The following ZNF385D variants were observed in gnomAD, a reference collection of about 807,000 sequenced individuals.
ZNF385D encodes the protein zinc finger protein 385D.
Under a neutral mutation model 35.8 loss-of-function variants are expected in ZNF385D, and 15 were observed. The observed-to-expected ratio is 0.42, with a 90% CI of 0.28 to 0.64. ZNF385D has a LOEUF of 0.64. Among genes scored for constraint, ZNF385D ranks in the 30% least tolerant of loss-of-function variants. The probability of loss-of-function intolerance (pLI) is 0.23; values close to 1 mark genes in which losing one functional copy is unlikely to be tolerated. For synonymous variants in ZNF385D, 212 were observed against 186.8 expected (o/e 1.13, Z -1.10); for missense variants, 474 against 494.6 (o/e 0.96, Z 0.39).
chr3:21,535,055 A>G (rs1363385480), intron 3 of ZNF385D, among the ~76,000 whole-genome samples: 1 of 152,136 alleles, frequency 6.6e-6, no homozygotes, highest in African/African-American at 2.4e-5. Flanking sequence ...ACAGGAATAT[A>G]ATATCTTCTT....
intron 2 of ZNF385D, among the ~76,000 whole-genome samples, chr3:22,256,801 T>C (rs969161528): frequency 6.6e-6 from 1 of 151,880 alleles, no homozygotes; most frequent in African/African-American, 2.4e-5. Context: ...CATTCTTCAA[T>C]GTGTTGTAAT....
chr3:22,024,921 T>C (rs1168171759), intron 3 of ZNF385D, among the ~76,000 whole-genome samples: 1 of 152,156 alleles, frequency 6.6e-6, no homozygotes, highest in East Asian at 1.9e-4. Context: ...TTTTATCTCC[T>C]GTAGAGAAAG....
intron 3 of ZNF385D, among the ~76,000 whole-genome samples, chr3:21,844,775 A>G (rs1360775387): frequency 6.6e-6 from 1 of 151,968 alleles, no homozygotes; most frequent in Admixed American, 6.6e-5. Context: ...TAGTATTTTC[A>G]TTTAGTTTTG....
chr3:22,000,856 G>C lies in ZNF385D; in HGVS notation c.325+167961C>G, dbSNP rs530033076. ...TCTTTCCCAGACAAGCAAAAACTGA[G>C]GGAATTCATTACAATTAGACCAGTC... On this transcript the variant is annotated intron_variant, in intron 3 of 5. Coordinates refer to the ZNF385D transcript ENST00000494108. 1.1e-4 allele frequency among the ~76,000 whole-genome samples: 17 copies of C among 150,338 alleles called. No homozygotes were observed. In the East Asian group the frequency reaches 2.7e-3, roughly 24 times the overall value.
chr3:21,436,656 C>T (rs1701565248), intron 5 of ZNF385D, among the ~76,000 whole-genome samples: 1 of 151,986 alleles, frequency 6.6e-6, no homozygotes, highest in South Asian at 2.1e-4. Context: ...GATGCAAATG[C>T]ATGTAAATAA....
At chr3:21,990,353 C>A (rs1343987300) in intron 3 of ZNF385D, among the ~76,000 whole-genome samples, 1 of 152,126 alleles carries the variant, frequency 6.6e-6, no homozygotes, top group Non-Finnish European at 1.5e-5. Flanking sequence ...CTTCACAAAT[C>A]CAAAGTTAGA....
At chr3:21,975,717 A>ATG (rs1703561890) in intron 3 of ZNF385D, among the ~76,000 whole-genome samples, 3 of 3,922 alleles carry the variant, frequency 7.6e-4, no homozygotes, top group African/African-American at 1.9e-3. Context: ...ATATATATAT[A>ATG]TATATATATA....
chr3:21,914,381 C>CTTTTTTTTTTT (rs5847151), intron 3 of ZNF385D, among the ~76,000 whole-genome samples: 1 of 138,732 alleles, frequency 7.2e-6, no homozygotes. Context: ...TTTTGTTTGA[C>CTTTTTTTTTTT]TTTTTTTTTT....
chr3:22,324,904 G>A (rs1328126077), intron 2 of ZNF385D, among the ~76,000 whole-genome samples: 1 of 152,090 alleles, frequency 6.6e-6, no homozygotes, highest in African/African-American at 2.4e-5. Flanking sequence ...CAAACTGTCT[G>A]GATTTCAATC....
intron 2 of ZNF385D, among the ~76,000 whole-genome samples, chr3:22,300,589 T>A (rs1702846888): frequency 6.6e-6 from 1 of 151,736 alleles, no homozygotes; most frequent in African/African-American, 2.4e-5. Flanking sequence ...AACAATTCAA[T>A]AGCAAGAAAA....
intron 2 of ZNF385D, among the ~76,000 whole-genome samples, chr3:22,192,233 G>C (rs1037120144): frequency 1.3e-5 from 2 of 152,128 alleles, no homozygotes; most frequent in African/African-American, 4.8e-5. Context: ...GCTGAGAGTT[G>C]CTTTCTTTTC....
intron 4 of ZNF385D, among the ~76,000 whole-genome samples, chr3:21,494,278 C>T (rs2125414545): frequency 6.6e-6 from 1 of 152,196 alleles, no homozygotes; most frequent in East Asian, 1.9e-4. Context: ...GTGAAAACCA[C>T]AATAAATATG....
In ZNF385D at chr3:21,463,894, GT is replaced by G. The variant is rs35256846; in HGVS notation, c.440-26692del. Among the ~76,000 whole-genome samples, 1,022 of 148,346 alleles carry G rather than the reference GT, an allele frequency of 6.9e-3. 8 individuals carry two copies. The highest frequency in any genetic ancestry group is 0.023 in the African/African-American group (934 of 40,560). On this transcript the variant is annotated intron_variant, in intron 4 of 7. Coordinates refer to ENST00000281523, the MANE Select transcript of ZNF385D (RefSeq NM_024697.3). ...CTCTTAGGAGAGCTGCTTAGCCTCA[GT>G]TTTTTTTTTTCATATGCAACAGGAA...
chr3:22,027,958 C>T (rs1697671209), intron 3 of ZNF385D, among the ~76,000 whole-genome samples: 1 of 152,182 alleles, frequency 6.6e-6, no homozygotes, highest in South Asian at 2.1e-4. Context: ...TAGGACATCC[C>T]TGAAGGATAG....
intron 3 of ZNF385D, among the ~76,000 whole-genome samples, chr3:21,862,922 T>C (rs970301318): frequency 2.6e-5 from 4 of 152,160 alleles, no homozygotes; most frequent in African/African-American, 9.6e-5. Flanking sequence ...GGCAGACTAA[T>C]GTCATCCTAC....
At chr3:21,697,254 T>C (rs2067503297) in intron 1 of ZNF385D, among the ~76,000 whole-genome samples, 2 of 152,130 alleles carry the variant, frequency 1.3e-5, no homozygotes, top group Non-Finnish European at 2.9e-5. Flanking sequence ...ATTCCACATA[T>C]TGCAGATACA....
intron 3 of ZNF385D, among the ~76,000 whole-genome samples, chr3:22,152,206 A>G (rs1559410923): frequency 1.3e-5 from 2 of 152,150 alleles, no homozygotes; most frequent in Admixed American, 6.5e-5. Flanking sequence ...ATGGCTGCAT[A>G]GTAATTTAAA....
chr3:22,075,658 CTTTTCTTTCTTGTA>C (rs1241622547), intron 3 of ZNF385D, among the ~76,000 whole-genome samples: 1 of 151,882 alleles, frequency 6.6e-6, no homozygotes, highest in African/African-American at 2.4e-5. Context: ...CTTGAGTTCT[CTTTTCTTTCTTGTA>C]CTTTCTTTCC....
At chr3:21,855,007 C>G (rs2125818136) in intron 3 of ZNF385D, among the ~76,000 whole-genome samples, 1 of 151,984 alleles carries the variant, frequency 6.6e-6, no homozygotes, top group East Asian at 1.9e-4. Context: ...GCACTCACAT[C>G]TATACAACAT....
Sources: gnomAD v4.1 joint callset for allele counts (sites outside exome capture counted in the v4.1 genomes callset) on GRCh38, gnomAD v4.1.1 for gene constraint, MANE v1.5 for transcripts, NCBI Gene and HGNC (gene_info 2026-07-23, HGNC 2026-07-21) for gene names.